Variants in MYO1D observed in about 807,000 individuals in gnomAD.
The protein encoded by MYO1D is unconventional myosin-Id.
MYO1D carries 83 observed loss-of-function variants against 122.0 expected under a neutral mutation model. The ratio of observed to expected loss-of-function variants is 0.68; its 90% confidence interval spans 0.57 to 0.82. The LOEUF is 0.82. MYO1D is among the 40% of genes least tolerant of loss of function. The pLI, the probability that MYO1D is intolerant of heterozygous loss-of-function variation, is 0.00. For synonymous variants in MYO1D, 464 were observed against 446.9 expected, an observed-to-expected ratio of 1.04 and a Z score of -0.48; for missense variants, 1,157 against 1,269.5, an observed-to-expected ratio of 0.91 and a Z score of 1.35.
chr17:32,785,095 T>A (rs1224535383), intron 1 of MYO1D, among the ~76,000 whole-genome samples: 1 of 152,172 alleles, frequency 6.6e-6, no homozygotes, highest in Non-Finnish European at 1.5e-5. Context: ...AAATTGGAGT[T>A]GTTTCACGGG....
intron 1 of MYO1D, among the ~76,000 whole-genome samples, chr17:32,814,189 C>G (rs1242695537): frequency 2.0e-5 from 3 of 151,982 alleles, no homozygotes; most frequent in Non-Finnish European, 4.4e-5. Context: ...ACTAAAATTA[C>G]AAAAAATAGC....
Position 32,599,894 on chromosome 17 carries a change from C to T in MYO1D, c.2864+5193G>A, listed in dbSNP as rs1480207931. Among the ~76,000 whole-genome samples, 4 of 152,332 alleles carry T rather than the reference C, an allele frequency of 2.6e-5. 1 individual carries two copies. The Middle Eastern group carries it at 0.01, about 389-fold the overall frequency. On this transcript the variant is annotated intron_variant, in intron 21 of 21. Transcript: ENST00000318217. ...TCTCAAACTCCTGACCTCAGGTGAT[C>T]AGCCCACCTCGGCCTCCAAAAGTGT... is the stretch of plus-strand genomic sequence containing the variant.
chr17:32,830,843 A>G (rs2090765345), intron 1 of MYO1D, among the ~76,000 whole-genome samples: 1 of 152,190 alleles, frequency 6.6e-6, no homozygotes. Flanking sequence ...GCAGATCACG[A>G]AGTCAGGAGA....
At chr17:32,539,912 A>G (rs956671799) in intron 21 of MYO1D, among the ~76,000 whole-genome samples, 4 of 152,198 alleles carry the variant, frequency 2.6e-5, no homozygotes, top group African/African-American at 9.7e-5. Flanking sequence ...CACTTTCCAT[A>G]ACTCACAGAA....
At chr17:32,558,794 C>T (rs904968046) in intron 21 of MYO1D, among the ~76,000 whole-genome samples, 2 of 152,168 alleles carry the variant, frequency 1.3e-5, no homozygotes, top group Non-Finnish European at 2.9e-5. Flanking sequence ...AGTCTTGGGA[C>T]AAGACACTGA....
intron 16 of MYO1D, among the ~76,000 whole-genome samples, chr17:32,705,493 G>A (rs1300810896): frequency 6.6e-6 from 1 of 152,126 alleles, no homozygotes; most frequent in African/African-American, 2.4e-5. Context: ...TAGAACTCCT[G>A]ACCTCGTGAT....
chr17:32,591,674 A>C (rs1041782893), intron 21 of MYO1D, among the ~76,000 whole-genome samples: 5 of 151,960 alleles, frequency 3.3e-5, no homozygotes, highest in African/African-American at 9.7e-5. Flanking sequence ...CAAAAAAAAA[A>C]ACAAACCTAC....
At chr17:32,792,549 G>A (rs1470770989) in intron 1 of MYO1D, 2 of 152,222 alleles carry the variant, frequency 1.3e-5, no homozygotes, top group Admixed American at 6.5e-5. Context: ...GTTTCCATGT[G>A]ATGGAGTCAA....
chr17:32,615,555 C>G (rs1415273349), intron 20 of MYO1D, among the ~76,000 whole-genome samples: 2 of 152,140 alleles, frequency 1.3e-5, no homozygotes, highest in African/African-American at 2.4e-5. Flanking sequence ...CATAAAGAAG[C>G]CTGCAATTGC....
chr17:32,810,475 G>A (rs779932415), intron 1 of MYO1D, among the ~76,000 whole-genome samples: 10 of 150,726 alleles, frequency 6.6e-5, no homozygotes, highest in East Asian at 1.9e-4. Flanking sequence ...GGTTAAGTCC[G>A]TAACTTTTTT....
chr17:32,561,335 A>AT (rs1176332233), intron 21 of MYO1D, among the ~76,000 whole-genome samples: 2 of 148,922 alleles, frequency 1.3e-5, no homozygotes, highest in African/African-American at 5.1e-5. Flanking sequence ...TTTTGCTTCA[A>AT]TTTTTTTCCA....
At position 32,654,519 on chromosome 17, in the gene MYO1D, G is replaced by A. The variant is rs370784690; in HGVS notation, c.2448C>T (p.Asp816=). ...CCTCCCAGGCCCTCTGGAGCCCGAG[G>A]TCAGCCCTTTGACCCTTCAACATTT... ...AVEMLKGQRA[D]LGLQRAWEGN... The change falls in exon 18 of 22, where the codon GAC becomes GAT. Residue 816 remains aspartate, a synonymous_variant. Transcript: ENST00000318217. 554 of 1,614,072 alleles carry A rather than the reference G, an allele frequency of 3.4e-4. No individual in the cohort carries two copies. The highest frequency in any genetic ancestry group is 4.3e-4 in the Non-Finnish European group (508 of 1,179,980).
At chr17:32,855,256 C>T (rs79685848) in intron 1 of MYO1D, among the ~76,000 whole-genome samples, 2 of 152,218 alleles carry the variant, frequency 1.3e-5, no homozygotes, top group South Asian at 2.1e-4. Context: ...CTTTAGTACA[C>T]GTAACCACTG....
chr17:32,760,535 GT>G lies in MYO1D; in HGVS notation c.1127del (p.Asn376ThrfsTer41). ...AGATATCCAAGACACCAATAACAGT[GT>G]TTTTCCCATGGATTGTGGTGTCATA... Reference protein sequence around the residue: ...KNYDTTIHGKNTVIGVLDIYG... With the variant: ...KNYDTTIHGKXTVIGVLDIYG... On this transcript the variant is annotated frameshift_variant, in exon 9 of 22. Transcript: ENST00000318217. LOFTEE classifies it high-confidence loss of function. 1 of 1,613,910 alleles carries G rather than the reference GT, an allele frequency of 6.2e-7. No individual in the cohort carries two copies. Among genetic ancestry groups the G allele is most frequent in the Non-Finnish European group, 8.5e-7 (1 of 1,179,852 alleles).
chr17:32,568,347 G>GTT (rs1356132834), intron 21 of MYO1D, among the ~76,000 whole-genome samples: 36 of 152,304 alleles, frequency 2.4e-4, no homozygotes, highest in Middle Eastern at 3.4e-3. Flanking sequence ...GCAAGTCCAT[G>GTT]TTTAGAATAT....
chr17:32,528,824 G>A (rs1004154795), intron 21 of MYO1D, among the ~76,000 whole-genome samples: 5 of 152,200 alleles, frequency 3.3e-5, no homozygotes, highest in South Asian at 2.1e-4. Context: ...TGGAGGAGTG[G>A]ATTCTCCCTG....
At chr17:32,657,306 C>A (rs1250797233) in intron 17 of MYO1D, among the ~76,000 whole-genome samples, 1 of 152,192 alleles carries the variant, frequency 6.6e-6, no homozygotes, top group South Asian at 2.1e-4. Flanking sequence ...TCAAAAAATT[C>A]CTGATAGTGC....
At chr17:32,873,043 T>G (rs1819686973) in intron 1 of MYO1D, among the ~76,000 whole-genome samples, 1 of 152,188 alleles carries the variant, frequency 6.6e-6, no homozygotes. Flanking sequence ...TTGCATCAAT[T>G]GTGGCAGTTG....
At chr17:32,803,668 A>G (rs1414980342) in intron 1 of MYO1D, among the ~76,000 whole-genome samples, 2 of 152,228 alleles carry the variant, frequency 1.3e-5, no homozygotes, top group African/African-American at 2.4e-5. Flanking sequence ...AATAGGCAAT[A>G]CACACTTTGC....
Sources: gnomAD v4.1 joint callset for allele counts (sites outside exome capture counted in the v4.1 genomes callset) on GRCh38, gnomAD v4.1.1 for gene constraint, MANE v1.5 for transcripts, NCBI Gene and HGNC (gene_info 2026-07-23, HGNC 2026-07-21) for gene names.